The following CCDC144A variants were observed in gnomAD, a reference collection of about 807,000 sequenced individuals.
CCDC144A encodes coiled-coil domain-containing protein 144A.
A neutral mutation model predicts 143.8 loss-of-function variants in CCDC144A; 41 were observed. The observed-to-expected ratio is 0.29, with a 90% confidence interval of 0.22 to 0.37. The LOEUF (loss-of-function observed/expected upper bound fraction) is 0.37. Among genes scored for constraint, CCDC144A ranks in the 10% least tolerant of loss-of-function variants. The probability of loss-of-function intolerance (pLI) is 1.00; values close to 1 mark genes in which losing one functional copy is unlikely to be tolerated. For missense variants in CCDC144A, 637 were observed against 1,488.8 expected, an observed-to-expected ratio of 0.43 and a Z score of 9.41; for synonymous variants, 242 against 517.9, an observed-to-expected ratio of 0.47 and a Z score of 7.23.
rs548184679 is a variant in CCDC144A at position 16,752,045 on chromosome 17, G to C, written c.3373-9380G>C. ...GTTACACCCTTCCTGGACAGATCTT[G>C]TAGAACAGGGTCCCCAACCTCCAGG... On this transcript the variant is annotated intron_variant, in intron 12 of 16. Transcript: ENST00000399273. Among the ~76,000 whole-genome samples the C allele has an allele frequency of 5.3e-3, 807 of 152,332 alleles. 9 individuals carry two copies. The highest frequency in any genetic ancestry group is 0.018 in the African/African-American group (768 of 41,574).
At chr17:16,714,575 C>T (rs1912633534) in intron 6 of CCDC144A, among the ~76,000 whole-genome samples, 1 of 152,062 alleles carries the variant, frequency 6.6e-6, no homozygotes, top group South Asian at 2.1e-4. Flanking sequence ...AGAAGCCAGT[C>T]ATATCTTCCA....
intron 16 of CCDC144A, 60 bp from the exon 17 acceptor site, chr17:16,773,437 G>T: frequency 6.6e-7 from 1 of 1,509,858 alleles, no homozygotes; most frequent in Non-Finnish European, 8.9e-7. Context: ...GAAAGAGTGA[G>T]ACCCTATCTT....
chr17:16,732,336 C>T (rs1471181020), intron 10 of CCDC144A, among the ~76,000 whole-genome samples: 1 of 149,838 alleles, frequency 6.7e-6, no homozygotes, highest in Non-Finnish European at 1.5e-5. Flanking sequence ...TGTATCTTCT[C>T]GTAGTTAAGA....
intron 6 of CCDC144A, among the ~76,000 whole-genome samples, chr17:16,715,006 G>A (rs1567591230): frequency 6.6e-6 from 1 of 152,058 alleles, no homozygotes; most frequent in Non-Finnish European, 1.5e-5. Flanking sequence ...CATTCCTTCA[G>A]TTCTTTACTT....
At chr17:16,738,571 A>G (rs1156429363) in intron 12 of CCDC144A, among the ~76,000 whole-genome samples, 2 of 151,928 alleles carry the variant, frequency 1.3e-5, no homozygotes, top group Non-Finnish European at 1.5e-5. Flanking sequence ...GGCTTCTTCT[A>G]CTTAGCATAA....
chr17:16,727,821 C>A (rs1597563524), intron 9 of CCDC144A, 81 bp downstream of exon 9: 3 of 1,407,724 alleles, frequency 2.1e-6, no homozygotes, highest in Non-Finnish European at 9.6e-7. Context: ...TTACCTTCTG[C>A]AGAATAATGG....
rs574204289 is a variant in CCDC144A, at chr17:16,757,506, G to C, written c.3373-3919G>C. Among the ~76,000 whole-genome samples the C allele has an allele frequency of 3.9e-5, 6 of 152,354 alleles. No homozygotes were observed. In the East Asian group the frequency reaches 1.2e-3, roughly 29 times the overall value. On this transcript the variant is annotated intron_variant, in intron 12 of 16. Coordinates refer to ENST00000399273, the MANE Select transcript of CCDC144A (RefSeq NM_001382000.1). ...AAGGCACAGAGGCCTGGGTGGGGTGGGCTGCTCCTCAGGGTCCTGGACAGT... is the reference window on the plus strand; with the variant it reads ...AAGGCACAGAGGCCTGGGTGGGGTGCGCTGCTCCTCAGGGTCCTGGACAGT...
chr17:16,683,221 T>C, the CCDC144A span, among the ~76,000 whole-genome samples: 1 of 152,208 alleles, frequency 6.6e-6, no homozygotes, highest in African/African-American at 2.4e-5. Context: ...AAAGTAAGTA[T>C]GCATATGTTC....
intron 12 of CCDC144A, among the ~76,000 whole-genome samples, chr17:16,750,051 G>A (rs1313535759): frequency 6.6e-6 from 1 of 152,136 alleles, no homozygotes; most frequent in African/African-American, 2.4e-5. Context: ...AATTCAACTT[G>A]CCACTCTGTG....
At chr17:16,733,790 T>C (rs1333500442) in intron 11 of CCDC144A, among the ~76,000 whole-genome samples, 2 of 152,130 alleles carry the variant, frequency 1.3e-5, no homozygotes, top group African/African-American at 4.8e-5. Flanking sequence ...TGCATATTTT[T>C]TGACCTCTCC....
At chr17:16,672,679 A>C in the CCDC144A span, among the ~76,000 whole-genome samples, 1 of 152,178 alleles carries the variant, frequency 6.6e-6, no homozygotes, top group Non-Finnish European at 1.5e-5. Context: ...AATATACAAC[A>C]GAAATTATGA....
At chr17:16,756,079 A>G (rs1719598028) in intron 12 of CCDC144A, among the ~76,000 whole-genome samples, 1 of 152,256 alleles carries the variant, frequency 6.6e-6, no homozygotes, top group Non-Finnish European at 1.5e-5. Context: ...GATGTGCTGC[A>G]GAGAAGACAT....
chr17:16,724,987 T>C (rs1159973801), intron 8 of CCDC144A, among the ~76,000 whole-genome samples: 2 of 136,242 alleles, frequency 1.5e-5, no homozygotes, highest in Non-Finnish European at 3.2e-5. Context: ...AGGAAATGAC[T>C]GTTTATAGCT....
At chr17:16,678,305 A>G in the CCDC144A span, among the ~76,000 whole-genome samples, 1 of 152,074 alleles carries the variant, frequency 6.6e-6, no homozygotes, top group African/African-American at 2.4e-5. Context: ...GAGTTCCTTC[A>G]AGGGAAATTC....
At chr17:16,738,847 C>T (rs1358319491) in intron 12 of CCDC144A, among the ~76,000 whole-genome samples, 1 of 152,208 alleles carries the variant, frequency 6.6e-6, no homozygotes, top group Non-Finnish European at 1.5e-5. Flanking sequence ...ACACTATGCT[C>T]AACCTTTTGA....
upstream of CCDC144A, among the ~76,000 whole-genome samples, chr17:16,686,095 T>G (rs955777689): frequency 4.7e-5 from 7 of 148,000 alleles, no homozygotes; most frequent in African/African-American, 7.6e-5. Flanking sequence ...TTTTTTGTTT[T>G]TTTTTTTTTT....
intron 2 of CCDC144A, among the ~76,000 whole-genome samples, chr17:16,694,939 T>C (rs1234535203): frequency 6.6e-6 from 1 of 152,240 alleles, no homozygotes; most frequent in Non-Finnish European, 1.5e-5. Context: ...CAAATTATAA[T>C]GAAAGTATAA....
At chr17:16,683,764 C>T in the CCDC144A span, 1 of 1,512,722 alleles carries the variant, frequency 6.6e-7, no homozygotes, top group African/African-American at 1.4e-5. Flanking sequence ...GATGAAAGCG[C>T]AGAGCCATAT....
In CCDC144A at chr17:16,761,568, G is replaced by C. The variant is rs1369947317; in HGVS notation, c.3516G>C (p.Lys1172Asn). The C allele has an allele frequency of 6.2e-7, 1 of 1,603,226 alleles. No homozygotes were observed. The highest frequency in any genetic ancestry group is 8.5e-7 in the Non-Finnish European group (1 of 1,175,042). The change falls in exon 13 of 17, where the codon AAG (lysine) becomes AAC (asparagine). Residue 1172 changes from lysine to asparagine, a missense_variant. Lys to Asn is a moderately conservative substitution (Grantham distance 94). Coordinates refer to ENST00000399273, the MANE Select transcript of CCDC144A (RefSeq NM_001382000.1). The part of the protein sequence containing the change: ...KQCETLQKNK[K>N]QLKQEVVNLK... ...GTGAAACACTACAGAAGAATAAGAA[G>C]CAGCTGAAACAAGAAGTAGTAAACC...
Sources: gnomAD v4.1 joint callset for allele counts (sites outside exome capture counted in the v4.1 genomes callset) on GRCh38, gnomAD v4.1.1 for gene constraint, MANE v1.5 for transcripts, NCBI Gene and HGNC (gene_info 2026-07-23, HGNC 2026-07-21) for gene names.